Variants in UPP2 observed in about 807,000 individuals in gnomAD.
The protein encoded by UPP2 is UPase 2.
UPP2 carries 23 observed loss-of-function variants against 26.7 expected under a neutral mutation model. The observed-to-expected ratio is 0.86, with a 90% CI of 0.62 to 1.22. The LOEUF is 1.22. Ranked by LOEUF, UPP2 falls within the 50% of genes most tolerant of loss-of-function variation. The pLI is 0.00. For missense variants in UPP2, 387 were observed against 396.7 expected (o/e 0.98, Z 0.21); for synonymous variants, 127 against 141.3 (o/e 0.90, Z 0.72).
intron 6 of UPP2, chr2:158,128,021 T>C (rs1683730559): frequency 2.0e-6 from 2 of 985,250 alleles, no homozygotes; most frequent in South Asian, 4.7e-5. Flanking sequence ...AATCCTCTTG[T>C]ACTGTGAACT....
At chr2:158,005,458 G>A (rs952376205) in intron 2 of UPP2, among the ~76,000 whole-genome samples, 2 of 152,188 alleles carry the variant, frequency 1.3e-5, no homozygotes, top group Non-Finnish European at 2.9e-5. Context: ...AGAAAGCCAG[G>A]AGAGGAAGAG....
chr2:157,999,158 G>T (rs1193517664), intron 2 of UPP2, among the ~76,000 whole-genome samples: 3 of 151,780 alleles, frequency 2.0e-5, no homozygotes, highest in Non-Finnish European at 2.9e-5. Flanking sequence ...GTTTGATTTG[G>T]GTCTTTTTGT....
At chr2:158,132,908 T>C (rs1484786070) in intron 6 of UPP2, among the ~76,000 whole-genome samples, 1 of 152,178 alleles carries the variant, frequency 6.6e-6, no homozygotes, top group East Asian at 1.9e-4. Flanking sequence ...AAGAGAACCC[T>C]TGAATACTGT....
chr2:158,089,679 C>T (rs1215268940), intron 3 of UPP2, among the ~76,000 whole-genome samples: 2 of 152,220 alleles, frequency 1.3e-5, no homozygotes, highest in East Asian at 1.9e-4. Context: ...GGGCTCTTCT[C>T]GCTGCTGCTT....
Position 158,022,675 on chromosome 2 carries a change from A to G in UPP2, c.147+6789A>G, listed in dbSNP as rs368206708. 6.6e-5 allele frequency among the ~76,000 whole-genome samples: 10 copies of G among 152,162 alleles called. No homozygotes were observed. In the South Asian group the frequency reaches 1.5e-3, roughly 22 times the overall value. Reference sequence around the variant, plus strand: ...GCCCTCCATTCCCATCTTCTCCCCAAAATGCTCCAGAGTCAAGACAGTCTG... The same window carrying G: ...GCCCTCCATTCCCATCTTCTCCCCAGAATGCTCCAGAGTCAAGACAGTCTG... On this transcript the variant is annotated intron_variant, in intron 3 of 9. Transcript: ENST00000605860.
chr2:158,108,151 A>G (rs1009372462), intron 2 of UPP2, among the ~76,000 whole-genome samples: 3 of 152,190 alleles, frequency 2.0e-5, no homozygotes, highest in South Asian at 4.1e-4. Flanking sequence ...GTGATTTGCT[A>G]TCTACATATC....
intron 2 of UPP2, among the ~76,000 whole-genome samples, chr2:157,995,622 AT>A (rs199862672): frequency 5.3e-5 from 8 of 151,636 alleles, no homozygotes; most frequent in East Asian, 1.9e-4. Flanking sequence ...TTAATACATA[AT>A]TTTTAAAAAA....
chr2:158,062,402 T>C (rs1033934502), intron 3 of UPP2, among the ~76,000 whole-genome samples: 3 of 152,206 alleles, frequency 2.0e-5, no homozygotes, highest in African/African-American at 7.2e-5. Flanking sequence ...GAATTCTACC[T>C]TCTGGTCTTC....
chr2:158,007,667 G>A (rs1286804232), intron 2 of UPP2, among the ~76,000 whole-genome samples: 21 of 145,930 alleles, frequency 1.4e-4, no homozygotes, highest in Non-Finnish European at 2.8e-4. Context: ...TTGCTCTGTC[G>A]CTCAGACTGG....
At chr2:158,098,079 T>C (rs1400773374), upstream of UPP2, among the ~76,000 whole-genome samples, 5 of 152,128 alleles carry the variant, frequency 3.3e-5, no homozygotes, top group African/African-American at 1.2e-4. Context: ...AACCTAGGTC[T>C]GGACTTGAAC....
chr2:158,027,545 T>C (rs1288881121), intron 3 of UPP2, among the ~76,000 whole-genome samples: 1 of 152,116 alleles, frequency 6.6e-6, no homozygotes, highest in Non-Finnish European at 1.5e-5. Context: ...TGGGCTGGCA[T>C]TGAGTGTCTG....
intron 2 of UPP2, among the ~76,000 whole-genome samples, chr2:158,002,989 T>C (rs944563596): frequency 6.6e-6 from 1 of 152,120 alleles, no homozygotes; most frequent in African/African-American, 2.4e-5. Flanking sequence ...ATGCTTTAGG[T>C]CTAACTGCTG....
intron 3 of UPP2, among the ~76,000 whole-genome samples, chr2:158,096,399 G>T (rs1238178490): frequency 2.0e-5 from 3 of 152,186 alleles, no homozygotes; most frequent in Non-Finnish European, 4.4e-5. Flanking sequence ...AGGAGTTCGA[G>T]ACCAGCCTGG....
chr2:158,083,149 G>A lies in UPP2; in HGVS notation c.148-18891G>A, dbSNP rs186732332. Reference sequence around the variant, plus strand: ...CAACCATTGTGGAAGACAGTGTGGCGATTCCTCAAGGATCTAGAATCAGAA... The same window carrying A: ...CAACCATTGTGGAAGACAGTGTGGCAATTCCTCAAGGATCTAGAATCAGAA... On this transcript the variant is annotated intron_variant, in intron 3 of 9. Coordinates refer to the UPP2 transcript ENST00000605860. Among the ~76,000 whole-genome samples the A allele has an allele frequency of 6.1e-3, 935 of 152,252 alleles. 5 individuals carry two copies. The highest frequency in any genetic ancestry group is 0.027 in the Middle Eastern group (8 of 294).
intron 3 of UPP2, among the ~76,000 whole-genome samples, chr2:158,025,851 G>T (rs1033930668): frequency 6.6e-6 from 1 of 152,224 alleles, no homozygotes; most frequent in African/African-American, 2.4e-5. Context: ...GAGGTCAGTA[G>T]AAGGGGGTCT....
intron 3 of UPP2, among the ~76,000 whole-genome samples, chr2:158,090,635 T>A (rs1682897293): frequency 6.6e-6 from 1 of 152,228 alleles, no homozygotes; most frequent in Admixed American, 6.5e-5. Flanking sequence ...TGCAATATTA[T>A]TTTTGCTTGT....
At chr2:158,025,201 CA>C (rs60557993) in intron 3 of UPP2, among the ~76,000 whole-genome samples, 8,444 of 78,566 alleles carry the variant, frequency 0.11, 257 homozygotes, top group Non-Finnish European at 0.16. Flanking sequence ...GACTCCCTCT[CA>C]AAAAAAAAAA....
intron 3 of UPP2, among the ~76,000 whole-genome samples, chr2:158,031,541 C>T (rs1273280754): frequency 1.3e-5 from 2 of 152,208 alleles, no homozygotes; most frequent in Non-Finnish European, 2.9e-5. Flanking sequence ...GAAACCTGAG[C>T]TGTTGGAACA....
chr2:158,024,801 T>G (rs1683808924), intron 3 of UPP2, among the ~76,000 whole-genome samples: 1 of 152,294 alleles, frequency 6.6e-6, no homozygotes, highest in South Asian at 2.1e-4. Flanking sequence ...TTTTAAAGCA[T>G]TCTGAAAAGT....
Sources: allele counts gnomAD v4.1 joint callset (sites outside exome capture counted in the v4.1 genomes callset), GRCh38; gene constraint gnomAD v4.1.1; transcripts MANE v1.5; gene names NCBI Gene and HGNC (gene_info 2026-07-23, HGNC 2026-07-21).